ANO4: variants seen among roughly 807,000 people sequenced by gnomAD.
ANO4 encodes the protein anoctamin 4.
Under a neutral mutation model 141.9 loss-of-function variants are expected in ANO4, and 69 were observed. The observed-to-expected ratio is 0.49, with a 90% confidence interval of 0.40 to 0.59. The LOEUF (loss-of-function observed/expected upper bound fraction) is 0.59. Among genes scored for constraint, ANO4 ranks in the 20% least tolerant of loss-of-function variants. ANO4 has a pLI of 0.00. For synonymous variants in ANO4, 350 were observed against 394.3 expected (o/e 0.89, Z 1.33); for missense variants, 894 against 1,162.2 (o/e 0.77, Z 3.36).
intron 3 of ANO4, among the ~76,000 whole-genome samples, chr12:100,763,849 C>G (rs2032973254): frequency 1.3e-5 from 2 of 152,226 alleles, no homozygotes. Flanking sequence ...AATATACTTA[C>G]TCCCATAGTC....
intron 13 of ANO4, among the ~76,000 whole-genome samples, chr12:101,044,331 A>G (rs1044283380): frequency 3.3e-5 from 5 of 152,208 alleles, no homozygotes; most frequent in African/African-American, 9.7e-5. Context: ...AAAAAAATAC[A>G]TGACACCACT....
intron 1 of ANO4, among the ~76,000 whole-genome samples, chr12:100,826,292 GA>G (rs921840128): frequency 1.1e-4 from 5 of 45,552 alleles, no homozygotes; most frequent in African/African-American, 5.1e-4. Flanking sequence ...ATGGAATTGA[GA>G]AAAAAAGATG....
At chr12:100,733,971 T>C in intron 2 of ANO4, 1 of 586,614 alleles carries the variant, frequency 1.7e-6, no homozygotes, top group East Asian at 2.9e-5. Flanking sequence ...CATAGGCATT[T>C]ATTTTCAGAA....
chr12:101,042,427 C>G lies in ANO4; in HGVS notation c.1113C>G (p.Val371=). 1 of 1,614,112 alleles carries G rather than the reference C, an allele frequency of 6.2e-7. No individual in the cohort carries two copies. Residue 371 remains valine (V), a synonymous_variant, in exon 12 of 28, where the codon GTC becomes GTG. Coordinates refer to ENST00000392977, the MANE Select transcript of ANO4 (RefSeq NM_001286615.2). ...CAGCTGCCTTCATTGGATTGTTTGT[C>G]TTTTTGTATGGCGTCACCACTCTGG... is the stretch of plus-strand genomic sequence containing the variant. The part of the protein sequence containing the change: ...LFPAAFIGLF[V]FLYGVTTLDH...
intron 14 of ANO4, among the ~76,000 whole-genome samples, chr12:101,054,090 G>A (rs1365546580): frequency 2.0e-5 from 3 of 152,190 alleles, no homozygotes; most frequent in African/African-American, 4.8e-5. Context: ...AACCACACGT[G>A]TAAAATGTTT....
chr12:100,988,316 A>G (rs552092962), intron 8 of ANO4, among the ~76,000 whole-genome samples: 1 of 152,266 alleles, frequency 6.6e-6, no homozygotes, highest in East Asian at 1.9e-4. Context: ...TGAGATGACA[A>G]GAAATGATGG....
intron 4 of ANO4, among the ~76,000 whole-genome samples, chr12:100,940,208 T>C (rs1439899993): frequency 6.6e-6 from 1 of 151,564 alleles, no homozygotes; most frequent in African/African-American, 2.4e-5. Context: ...TTTTTTTTTT[T>C]CTGTTTGTTT....
At chr12:100,829,433 C>T (rs1045787606) in intron 1 of ANO4, among the ~76,000 whole-genome samples, 25 of 152,058 alleles carry the variant, frequency 1.6e-4, no homozygotes, top group African/African-American at 5.8e-4. Flanking sequence ...TAATTCCTTT[C>T]CACTTTCATG....
intron 1 of ANO4, among the ~76,000 whole-genome samples, chr12:100,851,442 T>A (rs2037867719): frequency 6.6e-6 from 1 of 152,184 alleles, no homozygotes; most frequent in African/African-American, 2.4e-5. Flanking sequence ...TATATTTCAA[T>A]GGTCACAGAT....
intron 14 of ANO4, among the ~76,000 whole-genome samples, chr12:101,056,903 G>A (rs1281315872): frequency 6.6e-6 from 1 of 150,868 alleles, no homozygotes; most frequent in East Asian, 1.9e-4. Context: ...TGTGTGGAAC[G>A]TGCAGGTTTC....
intron 17 of ANO4, among the ~76,000 whole-genome samples, chr12:101,091,745 TTA>T (rs1391220286): frequency 1.7e-5 from 2 of 117,432 alleles, no homozygotes; most frequent in Admixed American, 1.8e-4. Context: ...GAGAGCTAGA[TTA>T]AAGACTCTGA....
intron 1 of ANO4, among the ~76,000 whole-genome samples, chr12:100,814,536 C>G (rs1016440738): frequency 6.6e-6 from 1 of 152,046 alleles, no homozygotes; most frequent in Non-Finnish European, 1.5e-5. Flanking sequence ...TTTTAAAAAA[C>G]CACTCTGATG....
At chr12:101,068,806 A>G in intron 14 of ANO4, 2 of 1,167,870 alleles carry the variant, frequency 1.7e-6, no homozygotes, top group African/African-American at 2.9e-5. Flanking sequence ...CACAGTCATC[A>G]AAAAGTATCT....
intron 1 of ANO4, among the ~76,000 whole-genome samples, chr12:100,869,499 C>T (rs956710306): frequency 2.6e-5 from 4 of 152,118 alleles, no homozygotes; most frequent in Admixed American, 2.0e-4. Context: ...CATATTTGTC[C>T]GTGTCTGCCC....
intron 9 of ANO4, among the ~76,000 whole-genome samples, chr12:101,035,299 C>T (rs534775387): frequency 6.6e-6 from 1 of 152,148 alleles, no homozygotes; most frequent in Admixed American, 6.5e-5. Flanking sequence ...TATATGATTC[C>T]ATTTATATAA....
At chr12:100,892,771 G>A (rs186505177) in intron 1 of ANO4, among the ~76,000 whole-genome samples, 1 of 150,336 alleles carries the variant, frequency 6.7e-6, no homozygotes, top group Admixed American at 6.6e-5. Flanking sequence ...CTTTATTATT[G>A]TTTTAATTGT....
chr12:101,124,944 G>A (rs917346747), intron 26 of ANO4, among the ~76,000 whole-genome samples: 3 of 152,092 alleles, frequency 2.0e-5, no homozygotes, highest in African/African-American at 7.2e-5. Flanking sequence ...GTCTTGTCTT[G>A]GCTATTTGGA....
At chr12:100,827,840 G>A (rs1461677391) in intron 1 of ANO4, among the ~76,000 whole-genome samples, 2 of 151,936 alleles carry the variant, frequency 1.3e-5, no homozygotes, top group Non-Finnish European at 2.9e-5. Context: ...GGGTCCCCAG[G>A]AAAAAGCTCA....
chr12:101,048,933 T>C (rs1452899367), intron 14 of ANO4, among the ~76,000 whole-genome samples: 1 of 152,214 alleles, frequency 6.6e-6, no homozygotes, highest in East Asian at 1.9e-4. Flanking sequence ...GATTGAAATC[T>C]CAACTCCCTT....
Sources: allele counts gnomAD v4.1 joint callset (sites outside exome capture counted in the v4.1 genomes callset), GRCh38; gene constraint gnomAD v4.1.1; transcripts MANE v1.5; gene names NCBI Gene and HGNC (gene_info 2026-07-23, HGNC 2026-07-21).